Variants in SGCZ observed in about 807,000 individuals in gnomAD.
SGCZ encodes the protein zeta-sarcoglycan.
Under a neutral mutation model 41.3 loss-of-function variants are expected in SGCZ, and 40 were observed. The ratio of observed to expected loss-of-function variants is 0.97; its 90% CI spans 0.75 to 1.26. The LOEUF is 1.26. SGCZ is among the 50% of genes most tolerant of loss of function. The pLI is 0.00. For synonymous variants in SGCZ, 206 were observed against 137.5 expected, an observed-to-expected ratio of 1.50 and a Z score of -3.49; for missense variants, 552 against 369.8, an observed-to-expected ratio of 1.49 and a Z score of -4.04.
intron 1 of SGCZ, among the ~76,000 whole-genome samples, chr8:15,148,372 G>C (rs1235551222): frequency 6.6e-6 from 1 of 152,078 alleles, no homozygotes; most frequent in Admixed American, 6.6e-5. Flanking sequence ...AAGATGCCTC[G>C]ATGTCAGTTT....
At chr8:14,677,804 G>A (rs975435790) in intron 1 of SGCZ, among the ~76,000 whole-genome samples, 22 of 151,756 alleles carry the variant, frequency 1.4e-4, no homozygotes, top group African/African-American at 5.1e-4. Flanking sequence ...AAATAAATAA[G>A]TAAACTTTAT....
intron 2 of SGCZ, among the ~76,000 whole-genome samples, chr8:14,378,150 T>G (rs1365457997): frequency 6.7e-6 from 1 of 149,902 alleles, no homozygotes; most frequent in East Asian, 1.9e-4. Context: ...CCACCAACAG[T>G]GTAAAAGTGT....
At chr8:14,827,324 T>C (rs1247420884) in intron 1 of SGCZ, among the ~76,000 whole-genome samples, 1 of 150,782 alleles carries the variant, frequency 6.6e-6, no homozygotes. Context: ...GCAACTTCTG[T>C]CTCCCAGGTT....
At chr8:14,610,886 A>G (rs1262438504) in intron 1 of SGCZ, among the ~76,000 whole-genome samples, 2 of 152,200 alleles carry the variant, frequency 1.3e-5, no homozygotes, top group Non-Finnish European at 2.9e-5. Flanking sequence ...TATTCAGATA[A>G]TATTTATGGA....
chr8:14,615,661 G>A (rs1426250405), intron 1 of SGCZ, among the ~76,000 whole-genome samples: 2 of 152,136 alleles, frequency 1.3e-5, no homozygotes, highest in Non-Finnish European at 2.9e-5. Flanking sequence ...GTCTTTGTCA[G>A]ACAAAATTGT....
intron 1 of SGCZ, among the ~76,000 whole-genome samples, chr8:15,097,881 T>TAC (rs1806433903): frequency 4.1e-4 from 13 of 31,676 alleles, no homozygotes; most frequent in African/African-American, 1.1e-3. Flanking sequence ...TATATATATA[T>TAC]ACGTGTGTAT....
intron 2 of SGCZ, among the ~76,000 whole-genome samples, chr8:14,497,687 C>T (rs758893292): frequency 6.6e-6 from 1 of 151,992 alleles, no homozygotes; most frequent in Non-Finnish European, 1.5e-5. Context: ...CCAGGGAAGC[C>T]AAAAGACTGG....
chr8:15,095,408 T>A (rs1806310346), intron 1 of SGCZ, among the ~76,000 whole-genome samples: 1 of 152,142 alleles, frequency 6.6e-6, no homozygotes, highest in Non-Finnish European at 1.5e-5. Context: ...CAAGAAAACA[T>A]TTTAACTGGA....
At chr8:15,023,991 T>C (rs1803354790) in intron 1 of SGCZ, among the ~76,000 whole-genome samples, 1 of 152,210 alleles carries the variant, frequency 6.6e-6, no homozygotes, top group South Asian at 2.1e-4. Context: ...GGATAAGTGA[T>C]ATTTAAGCCA....
intron 5 of SGCZ, among the ~76,000 whole-genome samples, chr8:14,141,167 T>C (rs542613423): frequency 6.6e-6 from 1 of 152,222 alleles, no homozygotes; most frequent in East Asian, 1.9e-4. Flanking sequence ...GTACAAAAAT[T>C]AATTCAAGAT....
At chr8:14,594,864 A>G (rs1319257305) in intron 1 of SGCZ, among the ~76,000 whole-genome samples, 1 of 151,784 alleles carries the variant, frequency 6.6e-6, no homozygotes, top group Admixed American at 6.6e-5. Context: ...CAACAATTAC[A>G]TATTATTTTC....
chr8:14,571,430 G>A (rs1445435390), intron 1 of SGCZ, among the ~76,000 whole-genome samples: 1 of 152,150 alleles, frequency 6.6e-6, no homozygotes, highest in Non-Finnish European at 1.5e-5. Context: ...ACGGAGGCAG[G>A]CAATTAGCTG....
At chr8:14,095,856 T>G (rs1430911982) in intron 7 of SGCZ, among the ~76,000 whole-genome samples, 1 of 152,182 alleles carries the variant, frequency 6.6e-6, no homozygotes. Flanking sequence ...TTTCATTCTC[T>G]TTGTAGCACT....
At chr8:14,951,940 T>A (rs1585407052) in intron 1 of SGCZ, among the ~76,000 whole-genome samples, 1 of 152,138 alleles carries the variant, frequency 6.6e-6, no homozygotes, top group Admixed American at 6.6e-5. Flanking sequence ...TTCTTAAGCA[T>A]CTGATTGATG....
intron 1 of SGCZ, among the ~76,000 whole-genome samples, chr8:14,875,887 T>C (rs1585339907): frequency 6.6e-6 from 1 of 152,270 alleles, no homozygotes; most frequent in East Asian, 1.9e-4. Context: ...TCCAAAGTTG[T>C]CTCTGAAGAC....
At chr8:15,016,733 T>C (rs1436105410) in intron 1 of SGCZ, among the ~76,000 whole-genome samples, 1 of 152,172 alleles carries the variant, frequency 6.6e-6, no homozygotes, top group African/African-American at 2.4e-5. Flanking sequence ...GGGTAATGTA[T>C]AAAGAAAAGA....
intron 1 of SGCZ, among the ~76,000 whole-genome samples, chr8:15,121,283 C>CAA (rs1563137165): frequency 6.6e-6 from 1 of 152,174 alleles, no homozygotes. Context: ...GCTATTCCTC[C>CAA]AAGCTCTTTC....
At chr8:14,315,517 C>T (rs1187359301) in intron 3 of SGCZ, among the ~76,000 whole-genome samples, 1 of 151,864 alleles carries the variant, frequency 6.6e-6, no homozygotes, top group Non-Finnish European at 1.5e-5. Flanking sequence ...CAAAGTTAAC[C>T]CACGCACAAT....
intron 1 of SGCZ, among the ~76,000 whole-genome samples, chr8:14,590,007 C>A (rs904665268): frequency 2.2e-4 from 33 of 152,120 alleles, no homozygotes; most frequent in Non-Finnish European, 2.9e-5. Context: ...AGTGATTCAA[C>A]TGACCTGGCT....
Sources: gnomAD v4.1 joint callset for allele counts (sites outside exome capture counted in the v4.1 genomes callset) on GRCh38, gnomAD v4.1.1 for gene constraint, MANE v1.5 for transcripts, NCBI Gene and HGNC (gene_info 2026-07-23, HGNC 2026-07-21) for gene names.